STXBP5L: variants seen among roughly 807,000 people sequenced by gnomAD.
STXBP5L encodes the protein syntaxin-binding protein 5-like.
In STXBP5L, 65 loss-of-function variants were observed where a neutral mutation model predicts 144.5. The ratio of observed to expected loss-of-function variants is 0.45; its 90% CI spans 0.37 to 0.55. The LOEUF (loss-of-function observed/expected upper bound fraction) is 0.55, where lower values mean the gene tolerates loss of function less well. STXBP5L is among the 20% of genes least tolerant of loss of function. STXBP5L has a pLI of 0.00. For missense variants in STXBP5L, 1,298 were observed against 1,405.5 expected, an observed-to-expected ratio of 0.92 and a Z score of 1.22; for synonymous variants, 505 against 469.6, an observed-to-expected ratio of 1.08 and a Z score of -0.97.
chr3:121,339,721 C>T (rs1379573516), intron 20 of STXBP5L, among the ~76,000 whole-genome samples: 2 of 151,788 alleles, frequency 1.3e-5, no homozygotes, highest in East Asian at 3.9e-4. Flanking sequence ...TCTCAGGTTA[C>T]AAAATCCATG....
Position 121,354,269 on chromosome 3 carries a change from TTGACAGTGGGG to T in STXBP5L, c.2177-24444_2177-24434del, listed in dbSNP as rs548430437. ...TTCTGTCTCATTGATCTGCCTAATATTGACAGTGGGGTGTTAAAGTCTCCCATTATTATTGT... is the reference window on the plus strand; with the variant it reads ...TTCTGTCTCATTGATCTGCCTAATATTGTTAAAGTCTCCCATTATTATTGT... On this transcript the variant is annotated intron_variant, in intron 20 of 26. Transcript: ENST00000471454. Among the ~76,000 whole-genome samples the T allele has an allele frequency of 5.3e-5, 8 of 152,292 alleles. No homozygotes were observed. In the South Asian group the frequency reaches 1.7e-3, roughly 32 times the overall value.
intron 22 of STXBP5L, among the ~76,000 whole-genome samples, chr3:121,402,458 C>G (rs1381197235): frequency 6.6e-6 from 1 of 151,988 alleles, no homozygotes; most frequent in Non-Finnish European, 1.5e-5. Context: ...TCATTCACCC[C>G]CTTCATGTTC....
At chr3:121,355,765 G>T (rs989347248) in intron 20 of STXBP5L, among the ~76,000 whole-genome samples, 1 of 152,094 alleles carries the variant, frequency 6.6e-6, no homozygotes, top group Admixed American at 6.5e-5. Context: ...AGGAGAAGAG[G>T]CACTCTGATT....
intron 17 of STXBP5L, 60 bp from the exon 18 acceptor site, chr3:121,258,983 A>G: frequency 2.1e-6 from 3 of 1,455,742 alleles, no homozygotes; most frequent in Non-Finnish European, 2.7e-6. Context: ...TAAATTCTCA[A>G]GATAAGTTTG....
intron 19 of STXBP5L, among the ~76,000 whole-genome samples, chr3:121,312,059 C>A (rs1418297071): frequency 6.6e-6 from 1 of 152,188 alleles, no homozygotes; most frequent in Non-Finnish European, 1.5e-5. Flanking sequence ...ACTGTCTGAT[C>A]TTTGACAAAC....
At position 121,103,173 on chromosome 3, in the gene STXBP5L, G is replaced by GA; in HGVS notation, c.471-11751dup. ...CACAAACAAAACTGAGCTACCATTT[G>GA]ACCCAGAAATCCCATTACTGGGTAT... On this transcript the variant is annotated intron_variant, in intron 5 of 26. Coordinates refer to ENST00000471454, the MANE Select transcript of STXBP5L (RefSeq NM_001308330.2). Among the ~76,000 whole-genome samples the GA allele has an allele frequency of 1.3e-5, 2 of 152,186 alleles. 1 individual carries two copies. The highest frequency in any genetic ancestry group is 4.2e-4 in the South Asian group (2 of 4,818).
chr3:121,211,938 G>A (rs1577223149), intron 10 of STXBP5L, among the ~76,000 whole-genome samples: 1 of 152,200 alleles, frequency 6.6e-6, no homozygotes, highest in East Asian at 1.9e-4. Flanking sequence ...TCTCATTGGG[G>A]TTTTGATTTG....
intron 9 of STXBP5L, among the ~76,000 whole-genome samples, chr3:121,177,328 G>T (rs1447934309): frequency 6.6e-6 from 1 of 152,084 alleles, no homozygotes; most frequent in Non-Finnish European, 1.5e-5. Context: ...ACAACTCACT[G>T]AGTGGGGAAA....
At chr3:121,045,571 C>A in intron 5 of STXBP5L, 36 bp downstream of exon 5, 13 of 1,567,370 alleles carry the variant, frequency 8.3e-6, no homozygotes, top group Non-Finnish European at 1.1e-5. Flanking sequence ...TCTTAATGTA[C>A]AACAAAATTA....
intron 12 of STXBP5L, among the ~76,000 whole-genome samples, chr3:121,237,142 G>A (rs964415006): frequency 3.9e-5 from 6 of 152,204 alleles, no homozygotes; most frequent in African/African-American, 7.2e-5. Context: ...CACTGCTGGC[G>A]GCTCTGCCTA....
intron 12 of STXBP5L, among the ~76,000 whole-genome samples, chr3:121,235,828 C>CAT (rs2049459249): frequency 2.2e-5 from 3 of 139,062 alleles, no homozygotes; most frequent in South Asian, 2.5e-4. Flanking sequence ...CACACACACA[C>CAT]ACACACACAC....
At chr3:121,351,120 C>T (rs546550655) in intron 20 of STXBP5L, among the ~76,000 whole-genome samples, 7 of 152,154 alleles carry the variant, frequency 4.6e-5, no homozygotes, top group African/African-American at 1.2e-4. Flanking sequence ...ATGATGGTGA[C>T]GTACAGATGG....
At position 121,407,493 on chromosome 3, in the gene STXBP5L, T is replaced by C; in HGVS notation, c.2838T>C (p.Tyr946=). 6.2e-7 allele frequency: 1 copy of C among 1,613,438 alleles called. No individual in the cohort carries two copies. The highest frequency in any genetic ancestry group is 8.5e-7 in the Non-Finnish European group (1 of 1,179,538). The part of the protein sequence containing the change: ...VFSLPSQTCL[Y]VHNITETSFI... ...CACTGCCTTCTCAGACTTGCCTTTA[T>C]GTTCATAACATCACGGAGACATCTT... Residue 946 remains tyrosine (Y), a synonymous_variant, in exon 23 of 27, where the codon TAT becomes TAC. Transcript: ENST00000471454.
At chr3:120,990,515 AAAC>A (rs1049973816) in intron 3 of STXBP5L, among the ~76,000 whole-genome samples, 1 of 152,194 alleles carries the variant, frequency 6.6e-6, no homozygotes, top group African/African-American at 2.4e-5. Context: ...TCCTAAGCCA[AAAC>A]AACAAAGCTG....
At chr3:121,306,373 G>A (rs1487416928) in intron 19 of STXBP5L, among the ~76,000 whole-genome samples, 2 of 152,080 alleles carry the variant, frequency 1.3e-5, no homozygotes, top group African/African-American at 2.4e-5. Context: ...CAGGACAGAA[G>A]CTCTACCCCA....
chr3:121,056,836 C>T (rs1392246762), intron 5 of STXBP5L, among the ~76,000 whole-genome samples: 1 of 151,318 alleles, frequency 6.6e-6, no homozygotes, highest in South Asian at 2.1e-4. Context: ...GTACATAAGC[C>T]AAATAGAAAA....
At chr3:121,415,742 T>C (rs2047216817) in intron 24 of STXBP5L, 115 bp from the exon 25 acceptor site, 7 of 570,242 alleles carry the variant, frequency 1.2e-5, no homozygotes, top group African/African-American at 1.9e-5. Context: ...CATGAAAATA[T>C]ATGAAAAGCA....
At chr3:121,123,879 T>C (rs1030291215) in intron 7 of STXBP5L, among the ~76,000 whole-genome samples, 13 of 151,818 alleles carry the variant, frequency 8.6e-5, no homozygotes, top group Admixed American at 7.9e-4. Context: ...TTTTAATATA[T>C]GCAGTTTTAT....
rs142569546 is a variant in STXBP5L at position 121,170,347 on chromosome 3, G to A, written c.877+12720G>A. ...AGAAGACAAGAAATAACTAAGATCA[G>A]AGCAGAACTGAAGGAGACAGAAACA... On this transcript the variant is annotated intron_variant, in intron 9 of 26. Transcript: ENST00000471454. Among the ~76,000 whole-genome samples, 460 of 152,116 alleles carry A rather than the reference G, an allele frequency of 3.0e-3. 3 individuals are homozygous for A. The highest frequency in any genetic ancestry group is 0.01 in the African/African-American group (429 of 41,500).
Sources: allele counts gnomAD v4.1 joint callset (sites outside exome capture counted in the v4.1 genomes callset), GRCh38; gene constraint gnomAD v4.1.1; transcripts MANE v1.5; gene names NCBI Gene and HGNC (gene_info 2026-07-23, HGNC 2026-07-21).